QTMAN: variants seen among roughly 807,000 people sequenced by gnomAD.
QTMAN encodes queuosine-tRNA mannosyltransferase.
At chr2:144,290,909 G>C in the QTMAN span, among the ~76,000 whole-genome samples, 1 of 152,152 alleles carries the variant, frequency 6.6e-6, no homozygotes. Flanking sequence ...ACCACAAACT[G>C]GGTGGCTGAT....
the QTMAN span, among the ~76,000 whole-genome samples, chr2:144,299,142 T>C: frequency 6.6e-6 from 1 of 152,206 alleles, no homozygotes; most frequent in Non-Finnish European, 1.5e-5. Flanking sequence ...CAATATCCTG[T>C]GACCCCAAGA....
the QTMAN span, chr2:144,011,760 G>A: frequency 2.0e-6 from 2 of 984,722 alleles, no homozygotes; most frequent in Non-Finnish European, 2.4e-6. Flanking sequence ...TATGCAAATA[G>A]GCACATGTCT....
the QTMAN span, among the ~76,000 whole-genome samples, chr2:144,302,291 A>G: frequency 3.3e-4 from 50 of 152,092 alleles, no homozygotes; most frequent in East Asian, 6.6e-3. Context: ...GGACTAAAAG[A>G]TATTAAGCTA....
At chr2:144,079,751 G>A in the QTMAN span, among the ~76,000 whole-genome samples, 9 of 152,036 alleles carry the variant, frequency 5.9e-5, no homozygotes, top group East Asian at 1.7e-3. Context: ...TCTTACTGCT[G>A]TTTTATGACA....
At chr2:143,991,587 C>G in the QTMAN span, among the ~76,000 whole-genome samples, 1,091 of 147,838 alleles carry the variant, frequency 7.4e-3, 11 homozygotes, top group African/African-American at 0.026. Flanking sequence ...GCCCGACCAG[C>G]CGCCTCGTCC....
chr2:143,948,538 C>T, the QTMAN span, among the ~76,000 whole-genome samples: 1 of 152,046 alleles, frequency 6.6e-6, no homozygotes, highest in Admixed American at 6.6e-5. Flanking sequence ...ATAATGTCTA[C>T]CTTACACAAC....
chr2:144,202,626 T>C, the QTMAN span, among the ~76,000 whole-genome samples: 1 of 152,178 alleles, frequency 6.6e-6, no homozygotes, highest in Non-Finnish European at 1.5e-5. Context: ...ATGAGTTTTT[T>C]TCCCCGTTTA....
chr2:143,997,894 G>A, the QTMAN span, among the ~76,000 whole-genome samples: 1 of 151,964 alleles, frequency 6.6e-6, no homozygotes, highest in Non-Finnish European at 1.5e-5. Context: ...CTCCTAATGA[G>A]GAACATTAAC....
the QTMAN span, among the ~76,000 whole-genome samples, chr2:144,078,877 G>A: frequency 1.3e-5 from 2 of 152,120 alleles, no homozygotes; most frequent in Non-Finnish European, 2.9e-5. Context: ...TTCCCAAGGG[G>A]TGAAGTCTAT....
At chr2:143,979,314 C>G in the QTMAN span, among the ~76,000 whole-genome samples, 7 of 151,998 alleles carry the variant, frequency 4.6e-5, no homozygotes, top group African/African-American at 1.7e-4. Context: ...ACTTCAGGGA[C>G]CTATGGGATA....
chr2:144,256,660 T>C, the QTMAN span, among the ~76,000 whole-genome samples: 2 of 150,960 alleles, frequency 1.3e-5, no homozygotes, highest in East Asian at 3.9e-4. Context: ...AAAGAACACA[T>C]AGACACAGGG....
chr2:143,996,593 C>T, the QTMAN span, among the ~76,000 whole-genome samples: 4 of 152,060 alleles, frequency 2.6e-5, no homozygotes, highest in South Asian at 2.1e-4. Context: ...ATAAGGCTCA[C>T]GTCTAATTTT....
chr2:144,155,889 T>C, the QTMAN span, among the ~76,000 whole-genome samples: 1 of 152,006 alleles, frequency 6.6e-6, no homozygotes, highest in African/African-American at 2.4e-5. Flanking sequence ...AACTAAGCTG[T>C]TCCTGACAAC....
chr2:144,214,212 T>C, the QTMAN span, among the ~76,000 whole-genome samples: 1 of 152,130 alleles, frequency 6.6e-6, no homozygotes, highest in Non-Finnish European at 1.5e-5. Flanking sequence ...CAATCAATTA[T>C]CATATGGGAA....
chr2:144,150,550 T>C, the QTMAN span, among the ~76,000 whole-genome samples: 4 of 152,056 alleles, frequency 2.6e-5, no homozygotes, highest in African/African-American at 4.8e-5. Context: ...GGCTACTGTA[T>C]TGGAAAGCAC....
the QTMAN span, among the ~76,000 whole-genome samples, chr2:144,181,735 C>T: frequency 2.6e-5 from 4 of 151,958 alleles, no homozygotes; most frequent in East Asian, 1.9e-4. Flanking sequence ...CAGTTGAGCC[C>T]GGGAGATGGA....
chr2:144,133,165 T>C, the QTMAN span, among the ~76,000 whole-genome samples: 9 of 45,902 alleles, frequency 2.0e-4, no homozygotes, highest in African/African-American at 1.1e-3. Flanking sequence ...TAATATAATA[T>C]ATATATAAAT....
chr2:144,099,629 C>T, the QTMAN span, among the ~76,000 whole-genome samples: 1 of 152,196 alleles, frequency 6.6e-6, no homozygotes, highest in East Asian at 1.9e-4. Flanking sequence ...TTGTATGCTT[C>T]ATTAAATCTT....
At chr2:144,052,929 G>A in the QTMAN span, among the ~76,000 whole-genome samples, 3 of 152,170 alleles carry the variant, frequency 2.0e-5, no homozygotes, top group Non-Finnish European at 4.4e-5. Context: ...GATTACAGGC[G>A]TGAGCCACCA....
Sources: gnomAD v4.1 joint callset for allele counts (sites outside exome capture counted in the v4.1 genomes callset) on GRCh38, gnomAD v4.1.1 for gene constraint, MANE v1.5 for transcripts, NCBI Gene and HGNC (gene_info 2026-07-23, HGNC 2026-07-21) for gene names.